TBC1D10A: variants seen among roughly 807,000 people sequenced by gnomAD.
The protein encoded by TBC1D10A is TBC1 domain family member 10A.
A neutral mutation model predicts 52.9 loss-of-function variants in TBC1D10A; 24 were observed. The observed-to-expected ratio is 0.45, with a 90% CI of 0.33 to 0.64. TBC1D10A has a LOEUF of 0.64. Among genes scored for constraint, TBC1D10A ranks in the 30% least tolerant of loss-of-function variants. The pLI, the probability that TBC1D10A is intolerant of heterozygous loss-of-function variation, is 0.02. For missense variants in TBC1D10A, 602 were observed against 687.9 expected (o/e 0.88, Z 1.40); for synonymous variants, 278 against 282.9 (o/e 0.98, Z 0.17).
At chr22:30,313,676 C>T (rs1159744414) in intron 1 of TBC1D10A, among the ~76,000 whole-genome samples, 2 of 144,840 alleles carry the variant, frequency 1.4e-5, no homozygotes, top group Non-Finnish European at 3.0e-5. Flanking sequence ...GTAGGGATTA[C>T]AGGCGTGAGC....
intron 1 of TBC1D10A, among the ~76,000 whole-genome samples, chr22:30,308,727 C>T (rs757682734): frequency 2.3e-4 from 35 of 152,168 alleles, no homozygotes; most frequent in Admixed American, 2.3e-3. Flanking sequence ...CTACCACACG[C>T]CCCAGGTGTT....
At chr22:30,308,814 G>A (rs1930370251) in intron 1 of TBC1D10A, among the ~76,000 whole-genome samples, 1 of 152,174 alleles carries the variant, frequency 6.6e-6, no homozygotes, top group South Asian at 2.1e-4. Flanking sequence ...AGCTACTTCT[G>A]CCTTAGAAAT....
chr22:30,319,745 T>C (rs1056890666), intron 1 of TBC1D10A, among the ~76,000 whole-genome samples: 2 of 152,136 alleles, frequency 1.3e-5, no homozygotes, highest in African/African-American at 2.4e-5. Context: ...GTGTTCTCCC[T>C]GCTGGAGAGG....
At chr22:30,322,462 A>G (rs1344410324) in intron 1 of TBC1D10A, among the ~76,000 whole-genome samples, 1 of 152,034 alleles carries the variant, frequency 6.6e-6, no homozygotes, top group Non-Finnish European at 1.5e-5. Flanking sequence ...TTCCCTGCGG[A>G]GTAGGCTCAA....
intron 1 of TBC1D10A, among the ~76,000 whole-genome samples, chr22:30,305,067 G>C (rs1261078819): frequency 6.6e-6 from 1 of 152,172 alleles, no homozygotes; most frequent in East Asian, 1.9e-4. Context: ...CTCTTTACTT[G>C]AGCCAAACTC....
Position 30,326,814 on chromosome 22 carries a change from C to T in TBC1D10A, c.68G>A (p.Arg23Gln). 6.8e-7 allele frequency: 1 copy of T among 1,477,144 alleles called. No individual in the cohort carries two copies. Among genetic ancestry groups the T allele is most frequent in the Non-Finnish European group, 9.0e-7 (1 of 1,115,190 alleles). 91.5% of individuals were successfully genotyped at this position (1,477,144 alleles called of 1,614,324 possible). The change falls in exon 1 of 9, where the codon CGG becomes CAG. Residue 23 changes from arginine (R) to glutamine (Q), a missense_variant. Arg to Gln is a conservative substitution (Grantham distance 43). Around this residue, in one of 3 missense-constraint regions of TBC1D10A, gnomAD observed 201 missense variants for 204.4 expected, o/e 0.98. Transcript: ENST00000215790. ...GTCGGGGCCCTGGGCCAGGCTCTCC[C>T]GGGTTCCCGACAGGCTTTCCCCGGC... Reference protein sequence around the residue: ...PAAGESLSGTRESLAQGPDAA... With the variant: ...PAAGESLSGTQESLAQGPDAA...
At position 30,304,220 on chromosome 22, in the gene TBC1D10A, T is replaced by C. The variant is rs118145652; in HGVS notation, c.309+311A>G. On this transcript the variant is annotated intron_variant, in intron 2 of 8. Transcript: ENST00000215790. The stretch of plus-strand genomic sequence containing the variant: ...AGTATTGTAAAGTCCTCCTTGATAG[T>C]TGGTAAGCAGCACTTAAGTCCTTCC... 2.6e-3 allele frequency among the ~76,000 whole-genome samples: 395 copies of C among 152,278 alleles called. 1 individual carries two copies. The highest frequency in any genetic ancestry group is 4.6e-3 in the Non-Finnish European group (310 of 68,000).
intron 1 of TBC1D10A, among the ~76,000 whole-genome samples, chr22:30,319,043 G>A (rs578170465): frequency 2.0e-5 from 3 of 151,774 alleles, no homozygotes; most frequent in Non-Finnish European, 4.4e-5. Context: ...TCTTCTTGTC[G>A]TATCATCCTA....
At chr22:30,320,874 A>G (rs1350084793) in intron 1 of TBC1D10A, among the ~76,000 whole-genome samples, 1 of 152,248 alleles carries the variant, frequency 6.6e-6, no homozygotes, top group African/African-American at 2.4e-5. Flanking sequence ...AAGTGAAGCA[A>G]CATGTCCAAG....
In TBC1D10A at chr22:30,326,733, A is replaced by T. The variant is rs757834707; in HGVS notation, c.149T>A (p.Phe50Tyr). 2 of 1,543,016 alleles carry T rather than the reference A, an allele frequency of 1.3e-6. No homozygotes were observed. The highest frequency in any genetic ancestry group is 3.8e-5 in the Admixed American group (2 of 52,514). Reference sequence around the variant, plus strand: ...GAACTTGTCGATGCGGCGCTCGGCGAAGCCGTTGGCCTCCGAGTCAGACCC... The same window carrying T: ...GAACTTGTCGATGCGGCGCTCGGCGTAGCCGTTGGCCTCCGAGTCAGACCC... ...SLGSDSEANG[F>Y]AERRIDKFGF... The change falls in exon 1 of 9, where the codon TTC becomes TAC. Residue 50 changes from phenylalanine to tyrosine, a missense_variant. Coordinates refer to ENST00000215790, the MANE Select transcript of TBC1D10A (RefSeq NM_031937.3).
At chr22:30,304,737 TC>T in intron 1 of TBC1D10A, 107 bp from the exon 2 acceptor site, 1 of 1,493,036 alleles carries the variant, frequency 6.7e-7, no homozygotes, top group South Asian at 1.3e-5. Flanking sequence ...CTGCCTACCA[TC>T]CCTGCTGTTC....
chr22:30,312,527 T>C (rs905467503), intron 1 of TBC1D10A, among the ~76,000 whole-genome samples: 1 of 152,132 alleles, frequency 6.6e-6, no homozygotes, highest in Non-Finnish European at 1.5e-5. Context: ...CAAGACCTTT[T>C]CTCAAAACAA....
rs35640957 is a variant in TBC1D10A at position 30,313,550 on chromosome 22, ATTTTTTTTTTT to A, written c.210-8931_210-8921del. 4.3e-4 allele frequency among the ~76,000 whole-genome samples: 18 copies of A among 42,210 alleles called. 1 individual carries two copies. The East Asian group carries it at 0.015, about 35-fold the overall frequency. The allele number at this position is 42,210 out of a possible 152,430, so 27.7% of individuals were successfully genotyped here. On this transcript the variant is annotated intron_variant, in intron 1 of 8. Coordinates refer to ENST00000215790, the MANE Select transcript of TBC1D10A (RefSeq NM_031937.3). ...AGGTGTGCGCCACCACGGCCAGCTAATTTTTTTTTTTTTTTTTTTTTTTTTTTTTTTTAGCA... is the reference window on the plus strand; with the variant it reads ...AGGTGTGCGCCACCACGGCCAGCTAATTTTTTTTTTTTTTTTTTTTTAGCA...
At position 30,293,982 on chromosome 22, in the gene TBC1D10A, G is replaced by A. The variant is rs754167137; in HGVS notation, c.834C>T (p.Ala278=). ...LLYMTEWFMC[A]FSRTLPWSSV... Reference sequence around the variant, plus strand: ...AGCTCCAGGGCAAGGTTCGGGAGAAGGCGCACATGAACCATTCTGTCATAT... The same window carrying A: ...AGCTCCAGGGCAAGGTTCGGGAGAAAGCGCACATGAACCATTCTGTCATAT... The change falls in exon 7 of 9, where the codon GCC becomes GCT. Residue 278 remains alanine, a synonymous_variant. Transcript: ENST00000215790. 6.2e-6 allele frequency: 10 copies of A among 1,614,174 alleles called. No homozygotes were observed. The Admixed American group carries it at 1.7e-4, about 27-fold the overall frequency.
chr22:30,293,177 C>G, intron 8 of TBC1D10A: 2 of 641,124 alleles, frequency 3.1e-6, no homozygotes, highest in Non-Finnish European at 2.9e-6. Flanking sequence ...CACCGCTGCC[C>G]AGGGCAGCCT....
intron 2 of TBC1D10A, among the ~76,000 whole-genome samples, chr22:30,304,320 G>A (rs1601673572): frequency 6.6e-6 from 1 of 152,306 alleles, no homozygotes; most frequent in Admixed American, 6.5e-5. Flanking sequence ...CCAGGACAAT[G>A]TTCTGCATGA....
chr22:30,292,550 G>A lies in TBC1D10A; in HGVS notation c.1352C>T (p.Pro451Leu). 6.2e-7 allele frequency: 1 copy of A among 1,613,520 alleles called. No individual in the cohort carries two copies. The highest frequency in any genetic ancestry group is 2.2e-5 in the East Asian group (1 of 44,874). Residue 451 changes from proline (P) to leucine (L), a missense_variant, in exon 9 of 9, where the codon CCA (proline) becomes CTA (leucine). Coordinates refer to ENST00000215790, the MANE Select transcript of TBC1D10A (RefSeq NM_031937.3). ...AGCGGCCACCACCATGGCTTGATTT[G>A]GGGCTGGGGGCTTCTCCAGCTGCCC... is the stretch of plus-strand genomic sequence containing the variant. ...GRGQLEKPPA[P>L]NQAMVVAAAG... is the part of the protein sequence containing the mutation.
At chr22:30,315,513 T>C (rs1930517740) in intron 1 of TBC1D10A, among the ~76,000 whole-genome samples, 2 of 152,224 alleles carry the variant, frequency 1.3e-5, no homozygotes. Context: ...TCTGTCCACC[T>C]TGGCCTCCCA....
chr22:30,296,487 T>C (rs545409898), intron 3 of TBC1D10A: 1 of 152,280 alleles, frequency 6.6e-6, no homozygotes, highest in African/African-American at 2.4e-5. Flanking sequence ...GGAAGCCAGG[T>C]GTGTGTGAGA....
Sources: allele counts gnomAD v4.1 joint callset (sites outside exome capture counted in the v4.1 genomes callset), GRCh38; gene constraint gnomAD v4.1.1; regional missense constraint gnomAD v4.1.1; transcripts MANE v1.5; gene names NCBI Gene and HGNC (gene_info 2026-07-23, HGNC 2026-07-21).